Variants in KCNG3 observed in about 807,000 individuals in gnomAD.
KCNG3 encodes the protein potassium voltage-gated channel modifier subfamily G member 3.
A neutral mutation model predicts 29.0 loss-of-function variants in KCNG3; 15 were observed. The observed-to-expected ratio is 0.52, with a 90% CI of 0.35 to 0.80. KCNG3 has a LOEUF of 0.80. Among genes scored for constraint, KCNG3 ranks in the 30% least tolerant of loss-of-function variants. The probability of loss-of-function intolerance (pLI) is 0.01; values close to 1 mark genes in which losing one functional copy is unlikely to be tolerated. For missense variants in KCNG3, 512 were observed against 605.7 expected (o/e 0.85, Z 1.62); for synonymous variants, 322 against 248.9 (o/e 1.29, Z -2.76).
At chr2:42,426,554 A>C in the KCNG3 span, among the ~76,000 whole-genome samples, 1 of 152,242 alleles carries the variant, frequency 6.6e-6, no homozygotes, top group African/African-American at 2.4e-5. Context: ...CATTGAGGAT[A>C]GGGTCAATAA....
intron 1 of KCNG3, among the ~76,000 whole-genome samples, chr2:42,455,988 T>C (rs1033881555): frequency 5.3e-5 from 8 of 149,656 alleles, no homozygotes; most frequent in Non-Finnish European, 1.2e-4. Context: ...ATAGTATATT[T>C]TAAATATAGT....
chr2:42,492,731 G>T, intron 1 of KCNG3, 106 bp downstream of exon 1: 1 of 1,127,468 alleles, frequency 8.9e-7, no homozygotes, highest in South Asian at 2.5e-5. Context: ...CGCGCACCCC[G>T]CTGGCTCGGT....
the KCNG3 span, among the ~76,000 whole-genome samples, chr2:42,423,017 A>G: frequency 1.3e-5 from 2 of 152,030 alleles, no homozygotes; most frequent in South Asian, 4.1e-4. Context: ...ACTAGCTTCC[A>G]CTTCCATCTT....
chr2:42,394,693 C>G, the KCNG3 span, among the ~76,000 whole-genome samples: 1 of 152,174 alleles, frequency 6.6e-6, no homozygotes, highest in Non-Finnish European at 1.5e-5. Flanking sequence ...AGTTGTCCCG[C>G]CTTTCCAAAC....
downstream of KCNG3, among the ~76,000 whole-genome samples, chr2:42,438,074 A>G (rs1057040152): frequency 2.0e-5 from 3 of 152,072 alleles, no homozygotes; most frequent in Non-Finnish European, 2.9e-5. Context: ...TGCCCTCTAT[A>G]TTGTAGAGAA....
Position 42,493,768 on chromosome 2 carries a change from T to A in KCNG3, c.-267A>T, listed in dbSNP as rs894639650. On this transcript the variant is annotated 5_prime_UTR_variant, in exon 1 of 2. Transcript: ENST00000306078. ...GGCGCCAGCGCTGAGCCCCACCGGC[T>A]GGGAACGCGGCTGTGTCCGCGCCGC... is the stretch of plus-strand genomic sequence containing the variant. The A allele has an allele frequency of 1.5e-4, 44 of 302,982 alleles. No homozygotes were observed. The highest frequency in any genetic ancestry group is 9.0e-4 in the African/African-American group (41 of 45,640). The allele number at this position is 302,982 out of a possible 1,614,324, so 18.8% of individuals were successfully genotyped here.
At chr2:42,427,058 C>T in the KCNG3 span, among the ~76,000 whole-genome samples, 4 of 152,224 alleles carry the variant, frequency 2.6e-5, no homozygotes, top group South Asian at 2.1e-4. Context: ...CAGAAATACC[C>T]GAGATTCTCA....
chr2:42,462,927 C>A (rs1463789535), intron 1 of KCNG3, among the ~76,000 whole-genome samples: 3 of 152,062 alleles, frequency 2.0e-5, no homozygotes, highest in African/African-American at 7.2e-5. Context: ...CAAATTCCCC[C>A]CAAGTCTACA....
chr2:42,391,644 C>T, the KCNG3 span, among the ~76,000 whole-genome samples: 1 of 136,854 alleles, frequency 7.3e-6, no homozygotes, highest in Non-Finnish European at 1.5e-5. Flanking sequence ...GCTCTGTCGC[C>T]CAGGCTGGAG....
the KCNG3 span, among the ~76,000 whole-genome samples, chr2:42,409,942 T>C: frequency 6.6e-6 from 1 of 152,114 alleles, no homozygotes; most frequent in Admixed American, 6.6e-5. Flanking sequence ...TACAGTAATG[T>C]GATCACATAA....
chr2:42,462,936 C>T (rs1673053622), intron 1 of KCNG3, among the ~76,000 whole-genome samples: 1 of 152,150 alleles, frequency 6.6e-6, no homozygotes, highest in Non-Finnish European at 1.5e-5. Flanking sequence ...CCCAAGTCTA[C>T]AGCTAAAAGG....
chr2:42,465,279 C>T lies in KCNG3; in HGVS notation c.666-20700G>A, dbSNP rs184767869. Among the ~76,000 whole-genome samples, 890 of 151,328 alleles carry T rather than the reference C, an allele frequency of 5.9e-3. 5 individuals are homozygous for T. The highest frequency in any genetic ancestry group is 0.011 in the African/African-American group (437 of 41,188). On this transcript the variant is annotated intron_variant, in intron 1 of 1. Transcript: ENST00000306078. Reference sequence around the variant, plus strand: ...TCGCTCAGCCTGGAGTGCAGTGGCACGATCATGGCTCACTGCAACCTCTAC... The same window carrying T: ...TCGCTCAGCCTGGAGTGCAGTGGCATGATCATGGCTCACTGCAACCTCTAC...
At chr2:42,401,352 A>C in the KCNG3 span, among the ~76,000 whole-genome samples, 1 of 150,668 alleles carries the variant, frequency 6.6e-6, no homozygotes, top group Admixed American at 6.6e-5. Context: ...CACTGTCCAT[A>C]AATTAAAAGA....
In KCNG3 at chr2:42,443,342, C is replaced by T. The variant is rs953795046; in HGVS notation, c.*592G>A. 1.3e-5 allele frequency: 2 copies of T among 152,536 alleles called. No homozygotes were observed. Among genetic ancestry groups the T allele is most frequent in the Non-Finnish European group, 2.9e-5 (2 of 68,026 alleles). 9.4% of individuals were successfully genotyped at this position (152,536 alleles called of 1,614,324 possible). On this transcript the variant is annotated 3_prime_UTR_variant, in exon 2 of 2. Coordinates refer to ENST00000306078, the MANE Select transcript of KCNG3 (RefSeq NM_133329.6). ...GGCACGATAAGGTGAATAATTGGCA[C>T]AAAAATAAAGCAAAGAATTGAGAAG...
the KCNG3 span, among the ~76,000 whole-genome samples, chr2:42,400,455 G>A: frequency 3.9e-5 from 6 of 152,120 alleles, no homozygotes; most frequent in East Asian, 1.9e-4. Flanking sequence ...CTGGACCTTG[G>A]AAAGATAAAA....
the KCNG3 span, among the ~76,000 whole-genome samples, chr2:42,416,355 G>A: frequency 9.8e-5 from 15 of 152,304 alleles, no homozygotes; most frequent in Middle Eastern, 3.4e-3. Flanking sequence ...GTGCATGCCT[G>A]TAGTTCCAGC....
chr2:42,484,610 A>G (rs929241072), intron 1 of KCNG3, among the ~76,000 whole-genome samples: 5 of 152,264 alleles, frequency 3.3e-5, no homozygotes, highest in African/African-American at 1.2e-4. Flanking sequence ...TTTCTCGAAG[A>G]ATACCCAGAA....
At chr2:42,466,753 C>CT (rs1553329192) in intron 1 of KCNG3, among the ~76,000 whole-genome samples, 2,707 of 134,244 alleles carry the variant, frequency 0.02, 86 homozygotes, top group African/African-American at 0.066. Flanking sequence ...AATACTCTTC[C>CT]TTTTTTTTTT....
rs1673941160 is a variant in KCNG3, at chr2:42,492,956, G to A, written c.546C>T (p.Ile182=). 1 of 1,582,966 alleles carries A rather than the reference G, an allele frequency of 6.3e-7. No individual in the cohort carries two copies. Among genetic ancestry groups the A allele is most frequent in the Non-Finnish European group, 8.6e-7 (1 of 1,168,334 alleles). ...TGGCGCACAGCACCACCATGGACACGATCACGAACACCACCGACACGCTAG... is the reference window on the plus strand; with the variant it reads ...TGGCGCACAGCACCACCATGGACACAATCACGAACACCACCGACACGCTAG... The part of the protein sequence containing the change: ...ILASVSVVFV[I]VSMVVLCAST... Residue 182 remains isoleucine (I), a synonymous_variant, in exon 1 of 2, where the codon ATC becomes ATT. Transcript: ENST00000306078.
Sources: gnomAD v4.1 joint callset for allele counts (sites outside exome capture counted in the v4.1 genomes callset) on GRCh38, gnomAD v4.1.1 for gene constraint, MANE v1.5 for transcripts, NCBI Gene and HGNC (gene_info 2026-07-23, HGNC 2026-07-21) for gene names.